The following TRAPPC12 variants were observed in gnomAD, a reference collection of about 807,000 sequenced individuals.
The protein encoded by TRAPPC12 is TPR repeat protein 15.
TRAPPC12 carries 61 observed loss-of-function variants against 69.2 expected under a neutral mutation model. That is an observed-to-expected ratio of 0.88 (90% CI 0.72 to 1.09). TRAPPC12 has a LOEUF of 1.09. TRAPPC12 is among the 50% of genes least tolerant of loss of function. TRAPPC12 has a pLI of 0.00. For missense variants in TRAPPC12, 1,101 were observed against 1,016.4 expected (o/e 1.08, Z -1.13); for synonymous variants, 469 against 438.9 (o/e 1.07, Z -0.86).
In TRAPPC12 at chr2:3,448,724, CG is replaced by C. The variant is rs56730750; in HGVS notation, c.1530+4835del. Among the ~76,000 whole-genome samples, 120 of 113,326 alleles carry C rather than the reference CG, an allele frequency of 1.1e-3. 3 individuals carry two copies. The highest frequency in any genetic ancestry group is 2.1e-3 in the African/African-American group (56 of 26,120). 74.3% of individuals were successfully genotyped at this position (113,326 alleles called of 152,430 possible). Reference sequence around the variant, plus strand: ...GCGAGGGTAGGGCGTGGAGAGCAGCCGGTTACGCGAGGGTAGGGCGTGGAGA... The same window carrying C: ...GCGAGGGTAGGGCGTGGAGAGCAGCCGTTACGCGAGGGTAGGGCGTGGAGA... On this transcript the variant is annotated intron_variant, in intron 6 of 11. Coordinates refer to ENST00000324266, the MANE Select transcript of TRAPPC12 (RefSeq NM_016030.6).
At chr2:3,472,099 G>A (rs976484134) in intron 9 of TRAPPC12, among the ~76,000 whole-genome samples, 2 of 152,128 alleles carry the variant, frequency 1.3e-5, no homozygotes, top group Non-Finnish European at 2.9e-5. Flanking sequence ...GAAGGGGGAC[G>A]GGATGCAGGA....
At chr2:3,447,522 GTAAC>G (rs1442499922) in intron 6 of TRAPPC12, among the ~76,000 whole-genome samples, 4 of 152,054 alleles carry the variant, frequency 2.6e-5, no homozygotes, top group Non-Finnish European at 1.5e-5. Context: ...AGATCCCAAG[GTAAC>G]TAACAGAGCC....
chr2:3,459,101 A>G (rs915985062), intron 7 of TRAPPC12, among the ~76,000 whole-genome samples: 5 of 152,244 alleles, frequency 3.3e-5, no homozygotes, highest in Non-Finnish European at 5.9e-5. Flanking sequence ...GTTATCTCAC[A>G]GTGGACGCTT....
rs1283443925 is a variant in TRAPPC12, at chr2:3,408,165, G to A, written c.1164+6272G>A. Among the ~76,000 whole-genome samples the A allele has an allele frequency of 3.3e-5, 5 of 152,314 alleles. No individual in the cohort carries two copies. In the East Asian group the frequency reaches 9.7e-4, roughly 29 times the overall value. ...ACCTCCAAACACGTGTGCTTGACAT[G>A]TGTGGCCAAGGAAATGTCTACCGTG... On this transcript the variant is annotated intron_variant, in intron 3 of 11. Coordinates refer to ENST00000324266, the MANE Select transcript of TRAPPC12 (RefSeq NM_016030.6).
intron 6 of TRAPPC12, among the ~76,000 whole-genome samples, chr2:3,445,772 A>G (rs1664476303): frequency 6.6e-6 from 1 of 152,250 alleles, no homozygotes; most frequent in Non-Finnish European, 1.5e-5. Flanking sequence ...GTTTGAAGAC[A>G]GAAGGACCGA....
intron 6 of TRAPPC12, among the ~76,000 whole-genome samples, chr2:3,446,540 C>T (rs921361170): frequency 1.3e-5 from 2 of 152,216 alleles, no homozygotes; most frequent in African/African-American, 4.8e-5. Flanking sequence ...GAAGAAGCAC[C>T]GTCGCCAACT....
intron 3 of TRAPPC12, among the ~76,000 whole-genome samples, chr2:3,410,480 G>T (rs893999518): frequency 2.0e-5 from 3 of 152,058 alleles, no homozygotes; most frequent in Non-Finnish European, 4.4e-5. Flanking sequence ...CTTTTTATAT[G>T]ATATGTTTTA....
At chr2:3,396,074 A>G (rs1661111441) in intron 2 of TRAPPC12, among the ~76,000 whole-genome samples, 2 of 152,184 alleles carry the variant, frequency 1.3e-5, no homozygotes, top group Non-Finnish European at 2.9e-5. Context: ...CACATTGGCC[A>G]GGCTGGTCTT....
At chr2:3,381,056 G>T (rs1020870843) in intron 1 of TRAPPC12, among the ~76,000 whole-genome samples, 27 of 152,324 alleles carry the variant, frequency 1.8e-4, no homozygotes, top group African/African-American at 6.3e-4. Flanking sequence ...GGCAGAAAGC[G>T]CTGTGTGGGT....
intron 9 of TRAPPC12, among the ~76,000 whole-genome samples, chr2:3,475,657 GA>G (rs1342324368): frequency 6.6e-6 from 1 of 152,126 alleles, no homozygotes; most frequent in Non-Finnish European, 1.5e-5. Context: ...CTGAGACATT[GA>G]GTAAAGTCCC....
chr2:3,475,877 T>A (rs1666271301), intron 9 of TRAPPC12, among the ~76,000 whole-genome samples: 1 of 152,226 alleles, frequency 6.6e-6, no homozygotes, highest in Non-Finnish European at 1.5e-5. Context: ...GAGCTGTGCT[T>A]GTAAGCGCTT....
intron 7 of TRAPPC12, among the ~76,000 whole-genome samples, chr2:3,459,266 G>T (rs934363950): frequency 4.6e-5 from 7 of 152,254 alleles, no homozygotes; most frequent in Non-Finnish European, 1.0e-4. Context: ...GCAGTTGGAA[G>T]TGTGGACTTT....
At chr2:3,405,904 C>T (rs1289035021) in intron 3 of TRAPPC12, among the ~76,000 whole-genome samples, 1 of 152,194 alleles carries the variant, frequency 6.6e-6, no homozygotes. Flanking sequence ...TCTCTTTTCT[C>T]TCCTCATGCC....
chr2:3,439,677 C>T (rs577376281), intron 5 of TRAPPC12, among the ~76,000 whole-genome samples: 13 of 152,274 alleles, frequency 8.5e-5, no homozygotes, highest in East Asian at 5.8e-4. Flanking sequence ...ACAGAGCATA[C>T]GTGTTTAATT....
At chr2:3,429,934 A>G (rs1044913223) in intron 5 of TRAPPC12, among the ~76,000 whole-genome samples, 5 of 152,206 alleles carry the variant, frequency 3.3e-5, no homozygotes, top group African/African-American at 7.2e-5. Context: ...CCTCCTCCCA[A>G]TTCAGTCCCC....
At chr2:3,436,792 A>G (rs1464707655) in intron 5 of TRAPPC12, among the ~76,000 whole-genome samples, 1 of 42,990 alleles carries the variant, frequency 2.3e-5, no homozygotes, top group Non-Finnish European at 4.2e-5. Context: ...TTAATACCCC[A>G]TCACCCCTGA....
At chr2:3,416,965 C>T (rs1183885182) in intron 3 of TRAPPC12, among the ~76,000 whole-genome samples, 1 of 150,890 alleles carries the variant, frequency 6.6e-6, no homozygotes, top group African/African-American at 2.4e-5. Context: ...GGCTGCAGGG[C>T]AGATGCTCTG....
At chr2:3,426,957 C>T (rs1446606307) in intron 5 of TRAPPC12, among the ~76,000 whole-genome samples, 2 of 152,302 alleles carry the variant, frequency 1.3e-5, no homozygotes, top group South Asian at 2.1e-4. Context: ...TCCACTTCAT[C>T]GCCAATTTGA....
At chr2:3,380,803 G>A (rs955243010) in intron 1 of TRAPPC12, among the ~76,000 whole-genome samples, 2 of 152,214 alleles carry the variant, frequency 1.3e-5, no homozygotes, top group Admixed American at 1.3e-4. Flanking sequence ...TAATTACTAT[G>A]CTTGTGTCTG....
Sources: gnomAD v4.1 joint callset for allele counts (sites outside exome capture counted in the v4.1 genomes callset) on GRCh38, gnomAD v4.1.1 for gene constraint, MANE v1.5 for transcripts, NCBI Gene and HGNC (gene_info 2026-07-23, HGNC 2026-07-21) for gene names.